ACYP2: variants seen among roughly 807,000 people sequenced by gnomAD.
ACYP2 encodes acylphosphatase-2.
A neutral mutation model predicts 11.2 loss-of-function variants in ACYP2; 12 were observed. The ratio of observed to expected loss-of-function variants is 1.08; its 90% CI spans 0.69 to 1.74. ACYP2 has a LOEUF of 1.74. Among genes scored for constraint, ACYP2 ranks in the 40% most tolerant of loss-of-function variants. The pLI is 0.00. For synonymous variants in ACYP2, 43 were observed against 32.2 expected (o/e 1.33, Z -1.13); for missense variants, 134 against 101.9 (o/e 1.31, Z -1.35).
chr2:54,285,736 G>C (rs999744937), intron 6 of ACYP2, among the ~76,000 whole-genome samples: 1 of 152,178 alleles, frequency 6.6e-6, no homozygotes, highest in Non-Finnish European at 1.5e-5. Context: ...GAAGTATTGT[G>C]TGGCAGCTGC....
At chr2:54,116,710 G>C (rs1427961006) in intron 4 of ACYP2, among the ~76,000 whole-genome samples, 3 of 152,156 alleles carry the variant, frequency 2.0e-5, no homozygotes, top group Non-Finnish European at 4.4e-5. Flanking sequence ...CTCTATAGAA[G>C]GGTGCGACTC....
At chr2:54,235,737 TGTTA>T (rs1327811444) in intron 6 of ACYP2, among the ~76,000 whole-genome samples, 1 of 152,212 alleles carries the variant, frequency 6.6e-6, no homozygotes, top group African/African-American at 2.4e-5. Context: ...CTTCTTGTGC[TGTTA>T]GTTTTTATAA....
intron 4 of ACYP2, among the ~76,000 whole-genome samples, chr2:54,092,901 C>G (rs1354140473): frequency 6.6e-6 from 1 of 152,194 alleles, no homozygotes; most frequent in Admixed American, 6.5e-5. Context: ...GAATTGTCCT[C>G]AGCCAAAGAG....
intron 2 of ACYP2, among the ~76,000 whole-genome samples, chr2:54,036,640 G>C (rs1271718490): frequency 6.6e-6 from 1 of 152,236 alleles, no homozygotes; most frequent in Non-Finnish European, 1.5e-5. Context: ...CTCATGGTAA[G>C]TTAGTAAAGT....
intron 6 of ACYP2, among the ~76,000 whole-genome samples, chr2:54,148,325 T>C (rs1681991723): frequency 6.6e-6 from 1 of 152,328 alleles, no homozygotes; most frequent in Non-Finnish European, 1.5e-5. Context: ...GAACAATCTG[T>C]TACATCTTTC....
At chr2:54,095,208 GT>G (rs1344802841) in intron 4 of ACYP2, among the ~76,000 whole-genome samples, 1 of 152,144 alleles carries the variant, frequency 6.6e-6, no homozygotes, top group African/African-American at 2.4e-5. Flanking sequence ...TGGGGGTAAG[GT>G]CACAGATCAA....
At chr2:54,078,989 G>A (rs904426829) in intron 4 of ACYP2, among the ~76,000 whole-genome samples, 5 of 152,238 alleles carry the variant, frequency 3.3e-5, no homozygotes, top group Admixed American at 2.6e-4. Flanking sequence ...TTTGTTTACT[G>A]AATGAGTAGA....
At chr2:54,206,162 A>C (rs371232298) in intron 6 of ACYP2, among the ~76,000 whole-genome samples, 3 of 152,142 alleles carry the variant, frequency 2.0e-5, no homozygotes, top group African/African-American at 7.2e-5. Flanking sequence ...TTATACCTGA[A>C]ACTTTCCATA....
chr2:54,234,675 A>G (rs1173914810), intron 6 of ACYP2, among the ~76,000 whole-genome samples: 1 of 152,224 alleles, frequency 6.6e-6, no homozygotes, highest in Non-Finnish European at 1.5e-5. Flanking sequence ...TTAAGGCATG[A>G]ACAAGATTAA....
At chr2:53,994,105 C>T (rs1252340120) in intron 2 of ACYP2, among the ~76,000 whole-genome samples, 4 of 151,932 alleles carry the variant, frequency 2.6e-5, no homozygotes, top group East Asian at 3.9e-4. Flanking sequence ...CCAAGGCGGG[C>T]GGATCCCGAG....
intron 2 of ACYP2, among the ~76,000 whole-genome samples, chr2:53,976,853 T>C (rs1222854998): frequency 6.6e-6 from 1 of 152,216 alleles, no homozygotes; most frequent in Non-Finnish European, 1.5e-5. Context: ...TTGTTAGGCA[T>C]TCTGTCATTT....
intron 6 of ACYP2, among the ~76,000 whole-genome samples, chr2:54,189,805 A>T (rs901137032): frequency 2.0e-5 from 3 of 152,162 alleles, no homozygotes; most frequent in Admixed American, 6.5e-5. Context: ...TAATGGCTGC[A>T]CCAATCTTCA....
chr2:54,000,407 T>G (rs1672745993), intron 2 of ACYP2, among the ~76,000 whole-genome samples: 1 of 152,188 alleles, frequency 6.6e-6, no homozygotes, highest in South Asian at 2.1e-4. Flanking sequence ...CTGGAATCCA[T>G]GATCTGTAAA....
chr2:54,076,018 A>T (rs1677323293), intron 4 of ACYP2, among the ~76,000 whole-genome samples: 1 of 149,058 alleles, frequency 6.7e-6, no homozygotes, highest in South Asian at 2.1e-4. Context: ...TTTAGATTTA[A>T]TATTGTTTTT....
At chr2:54,202,766 T>G (rs1684907775) in intron 6 of ACYP2, among the ~76,000 whole-genome samples, 1 of 129,806 alleles carries the variant, frequency 7.7e-6, no homozygotes, top group African/African-American at 3.0e-5. Flanking sequence ...TCTTGCTATG[T>G]TGCCCACGCT....
chr2:53,996,340 A>G (rs1046482739), intron 2 of ACYP2, among the ~76,000 whole-genome samples: 1 of 152,086 alleles, frequency 6.6e-6, no homozygotes, highest in African/African-American at 2.4e-5. Flanking sequence ...ATGTACACCT[A>G]TGAGAGATAA....
intron 6 of ACYP2, among the ~76,000 whole-genome samples, chr2:54,193,606 C>T (rs1015665607): frequency 6.6e-6 from 1 of 151,966 alleles, no homozygotes; most frequent in Non-Finnish European, 1.5e-5. Flanking sequence ...CAGTTGTATT[C>T]TTGTTTTGCT....
chr2:54,129,804 C>T (rs1359046012), intron 4 of ACYP2, among the ~76,000 whole-genome samples: 1 of 147,862 alleles, frequency 6.8e-6, no homozygotes, highest in East Asian at 2.0e-4. Context: ...AACTTAAAGT[C>T]TAATAAATAT....
chr2:54,275,271 T>C lies in ACYP2; in HGVS notation c.405-29417T>C, dbSNP rs1202663056. Among the ~76,000 whole-genome samples, 3 of 152,332 alleles carry C rather than the reference T, an allele frequency of 2.0e-5. No homozygotes were observed. The East Asian group carries it at 5.8e-4, about 29-fold the overall frequency. ...ATCATTTCTAAAGCAGCCAGACTAATATGAACCTAAATCTGAGTATACTTT... is the reference window on the plus strand; with the variant it reads ...ATCATTTCTAAAGCAGCCAGACTAACATGAACCTAAATCTGAGTATACTTT... On this transcript the variant is annotated intron_variant, in intron 6 of 6. Coordinates refer to ENST00000607452, the MANE Select transcript of ACYP2 (RefSeq NM_001320586.2).
Sources: gnomAD v4.1 joint callset for allele counts (sites outside exome capture counted in the v4.1 genomes callset) on GRCh38, gnomAD v4.1.1 for gene constraint, MANE v1.5 for transcripts, NCBI Gene and HGNC (gene_info 2026-07-23, HGNC 2026-07-21) for gene names.